Variants in RIMS1 observed in about 807,000 individuals in gnomAD.
RIMS1 encodes regulating synaptic membrane exocytosis 1, also known as regulating synaptic membrane exocytosis protein 1.
RIMS1 carries 83 observed loss-of-function variants against 214.1 expected under a neutral mutation model. That is an observed-to-expected ratio of 0.39 (90% CI 0.32 to 0.47). The LOEUF is 0.47. Among genes scored for constraint, RIMS1 ranks in the 20% least tolerant of loss-of-function variants. The pLI, the probability that RIMS1 is intolerant of heterozygous loss-of-function variation, is 0.99. For missense variants in RIMS1, 2,050 were observed against 2,161.8 expected, an observed-to-expected ratio of 0.95 and a Z score of 1.03; for synonymous variants, 793 against 786.8, an observed-to-expected ratio of 1.01 and a Z score of -0.13.
chr6:72,328,188 G>A (rs763095508), intron 28 of RIMS1, among the ~76,000 whole-genome samples: 2 of 151,826 alleles, frequency 1.3e-5, no homozygotes, highest in Non-Finnish European at 2.9e-5. Flanking sequence ...ATCATTCTCA[G>A]CAAACTAACA....
chr6:72,031,267 G>A (rs547934708), intron 2 of RIMS1, among the ~76,000 whole-genome samples: 2 of 152,182 alleles, frequency 1.3e-5, no homozygotes, highest in African/African-American at 4.8e-5. Flanking sequence ...CTGTCTGAGG[G>A]AAGTGTGGGG....
chr6:72,081,941 G>A (rs1833519127), intron 2 of RIMS1, among the ~76,000 whole-genome samples: 1 of 152,126 alleles, frequency 6.6e-6, no homozygotes, highest in African/African-American at 2.4e-5. Flanking sequence ...AATGTAATGG[G>A]AAGAAAATTA....
chr6:72,358,844 G>C (rs1319053102), intron 29 of RIMS1, among the ~76,000 whole-genome samples: 1 of 152,110 alleles, frequency 6.6e-6, no homozygotes, highest in Non-Finnish European at 1.5e-5. Context: ...TCAGGCTCCA[G>C]CTAACTACCT....
chr6:71,929,815 A>G (rs2150884085), intron 1 of RIMS1, among the ~76,000 whole-genome samples: 1 of 152,262 alleles, frequency 6.6e-6, no homozygotes, highest in African/African-American at 2.4e-5. Context: ...ATCATGTGAG[A>G]AAGAATAAGA....
At chr6:72,014,419 T>C (rs1270927297) in intron 2 of RIMS1, among the ~76,000 whole-genome samples, 2 of 152,232 alleles carry the variant, frequency 1.3e-5, no homozygotes, top group Non-Finnish European at 2.9e-5. Context: ...TCCTTGATGT[T>C]GCATGGAGCA....
At chr6:71,924,807 C>CAAAAAAAAAAAAAAAAAAAAAAAAAAAA (rs10652071) in intron 1 of RIMS1, among the ~76,000 whole-genome samples, 1 of 62,060 alleles carries the variant, frequency 1.6e-5, no homozygotes, top group Non-Finnish European at 2.9e-5. Context: ...ACCCTGTCTC[C>CAAAAAAAAAAAAAAAAAAAAAAAAAAAA]AAAAAAAAAA....
intron 27 of RIMS1, 110 bp from the exon 28 acceptor site, chr6:72,313,396 A>C: frequency 1.2e-6 from 1 of 845,538 alleles, no homozygotes; most frequent in Admixed American, 2.3e-5. Flanking sequence ...AGCTACTCTT[A>C]TGAAGGTACA....
chr6:72,402,346 C>T lies in RIMS1; in HGVS notation c.*1632C>T, dbSNP rs1374813226. The stretch of plus-strand genomic sequence containing the variant: ...TTTGCAGGTTTTAGCCAGACTCAGT[C>T]TCTGGGTCTGTGGTGAAATGTCTAT... On this transcript the variant is annotated 3_prime_UTR_variant, in exon 34 of 34. Transcript: ENST00000521978. The T allele has an allele frequency of 1.3e-5, 2 of 152,588 alleles. No homozygotes were observed. Among genetic ancestry groups the T allele is most frequent in the African/African-American group, 4.8e-5 (2 of 41,436 alleles). The allele number at this position is 152,588 out of a possible 1,614,324, so 9.5% of individuals were successfully genotyped here. A position where few individuals can be genotyped will look rare whatever the true frequency, so the allele number is the denominator to read the frequency against.
chr6:72,152,264 A>G (rs2043715922), intron 4 of RIMS1, among the ~76,000 whole-genome samples: 1 of 152,188 alleles, frequency 6.6e-6, no homozygotes, highest in Non-Finnish European at 1.5e-5. Flanking sequence ...CATTATTCCA[A>G]GCACTTTGCA....
intron 2 of RIMS1, among the ~76,000 whole-genome samples, chr6:71,990,580 G>T (rs1801292858): frequency 6.6e-6 from 1 of 151,968 alleles, no homozygotes. Context: ...CCTGGCCTAA[G>T]CCTGCTCCTC....
intron 2 of RIMS1, among the ~76,000 whole-genome samples, chr6:72,046,573 C>A (rs1012674687): frequency 1.3e-5 from 2 of 151,934 alleles, no homozygotes; most frequent in African/African-American, 4.8e-5. Context: ...GTGAATCTTA[C>A]CCAATTACCC....
At chr6:72,226,021 A>G (rs1260128448) in intron 6 of RIMS1, among the ~76,000 whole-genome samples, 1 of 152,170 alleles carries the variant, frequency 6.6e-6, no homozygotes, top group African/African-American at 2.4e-5. Context: ...ACTTTTCTTC[A>G]GATACATTTT....
intron 4 of RIMS1, among the ~76,000 whole-genome samples, chr6:72,117,125 G>A (rs945665496): frequency 1.3e-5 from 2 of 151,904 alleles, no homozygotes; most frequent in African/African-American, 4.8e-5. Context: ...CTTCTGAGGT[G>A]CTTGTTTAAA....
chr6:71,926,649 C>A (rs1319728246), intron 1 of RIMS1, among the ~76,000 whole-genome samples: 3 of 152,010 alleles, frequency 2.0e-5, no homozygotes, highest in Non-Finnish European at 2.9e-5. Context: ...ATGGTTGATA[C>A]CCGTCAATTA....
intron 4 of RIMS1, among the ~76,000 whole-genome samples, chr6:72,119,393 G>C (rs928160198): frequency 6.6e-6 from 1 of 151,666 alleles, no homozygotes; most frequent in African/African-American, 2.4e-5. Context: ...AATACCCAAA[G>C]CAATCTACAG....
rs765299650 is a variant in RIMS1, at chr6:72,307,309, G to A, written c.3902G>A (p.Arg1301Gln). Residue 1301 changes from arginine to glutamine, a missense_variant, in exon 27 of 34, where the codon CGA (arginine) becomes CAA (glutamine). This residue lies in a region of RIMS1 where 889 missense variants were observed against 885.5 expected (regional missense o/e 1.00). Coordinates refer to ENST00000521978, the MANE Select transcript of RIMS1 (RefSeq NM_014989.7). ...RTRQMKMKVH[R>Q]FKQTTGSGSS... Reference sequence around the variant, plus strand: ...AGACAGATGAAAATGAAAGTGCATCGATTTAAGCAGACAACAGGGTCTGGT... The same window carrying A: ...AGACAGATGAAAATGAAAGTGCATCAATTTAAGCAGACAACAGGGTCTGGT... The A allele has an allele frequency of 8.7e-6, 14 of 1,606,066 alleles. No homozygotes were observed. Among genetic ancestry groups the A allele is most frequent in the South Asian group, 5.6e-5 (5 of 88,726 alleles).
intron 4 of RIMS1, among the ~76,000 whole-genome samples, chr6:72,116,940 C>T (rs767749434): frequency 1.2e-4 from 18 of 151,784 alleles, no homozygotes; most frequent in African/African-American, 2.9e-4. Context: ...ATCATAAATT[C>T]GTGTGTTTTT....
chr6:71,969,136 AT>A, intron 2 of RIMS1, 73 bp downstream of exon 2: 49 of 1,412,336 alleles, frequency 3.5e-5, no homozygotes, highest in Non-Finnish European at 4.7e-5. Flanking sequence ...ATTTATTCAC[AT>A]TGCATGTGAG....
intron 2 of RIMS1, among the ~76,000 whole-genome samples, chr6:72,034,252 T>C (rs1818948302): frequency 6.6e-6 from 1 of 152,180 alleles, no homozygotes; most frequent in Non-Finnish European, 1.5e-5. Flanking sequence ...ATCCCTTATA[T>C]AGGGATGTCC....
Sources: allele counts gnomAD v4.1 joint callset (sites outside exome capture counted in the v4.1 genomes callset), GRCh38; gene constraint gnomAD v4.1.1; regional missense constraint gnomAD v4.1.1; transcripts MANE v1.5; gene names NCBI Gene and HGNC (gene_info 2026-07-23, HGNC 2026-07-21).